Variants in FBH1 observed in about 807,000 individuals in gnomAD.
FBH1 encodes the protein DNA 3'-5' helicase 1.
Under a neutral mutation model 115.5 loss-of-function variants are expected in FBH1, and 43 were observed. That is an observed-to-expected ratio of 0.37 (90% CI 0.29 to 0.48). The LOEUF (loss-of-function observed/expected upper bound fraction) is 0.48, where lower values mean the gene tolerates loss of function less well. Ranked by LOEUF, FBH1 falls within the 20% of genes least tolerant of loss-of-function variation. The pLI is 0.99. For synonymous variants in FBH1, 524 were observed against 507.8 expected, an observed-to-expected ratio of 1.03 and a Z score of -0.43; for missense variants, 1,001 against 1,337.3, an observed-to-expected ratio of 0.75 and a Z score of 3.92.
chr10:5,902,601 G>C (rs1013904240), intron 1 of FBH1, among the ~76,000 whole-genome samples: 1 of 151,938 alleles, frequency 6.6e-6, no homozygotes, highest in Non-Finnish European at 1.5e-5. Flanking sequence ...TAAGTAGCTG[G>C]GATTGCAGGT....
At chr10:5,904,579 G>A (rs1253339022) in intron 2 of FBH1, among the ~76,000 whole-genome samples, 1 of 152,176 alleles carries the variant, frequency 6.6e-6, no homozygotes, top group Non-Finnish European at 1.5e-5. Context: ...GATTTGGCTG[G>A]GAGCAGTAGC....
chr10:5,909,626 C>G lies in FBH1; in HGVS notation c.1020+332C>G. The G allele has an allele frequency of 3.7e-6, 1 of 268,392 alleles. No individual in the cohort carries two copies. The highest frequency in any genetic ancestry group is 7.0e-6 in the Non-Finnish European group (1 of 142,464). 16.6% of individuals were successfully genotyped at this position (268,392 alleles called of 1,614,324 possible). The stretch of plus-strand genomic sequence containing the variant: ...GGATTTCTTTACAAGACAGCCCACC[C>G]CATTATCAACAAGTTTGCTTATTTG... On this transcript the variant is annotated intron_variant, in intron 5 of 20. Coordinates refer to ENST00000362091, the MANE Select transcript of FBH1 (RefSeq NM_178150.3). The surrounding 1 kb of genome is among the most constrained non-coding windows in gnomAD (Gnocchi z 4.4).
intron 19 of FBH1, chr10:5,928,646 C>T (rs1300021753): frequency 6.6e-6 from 1 of 152,196 alleles, no homozygotes; most frequent in Non-Finnish European, 1.5e-5. Flanking sequence ...CTGGTCAGCA[C>T]TCACTCTTTA....
At chr10:5,904,386 T>G (rs1287130445) in intron 2 of FBH1, among the ~76,000 whole-genome samples, 1 of 152,186 alleles carries the variant, frequency 6.6e-6, no homozygotes, top group Non-Finnish European at 1.5e-5. Context: ...TATAACCAAC[T>G]GTATGAGGCA....
chr10:5,890,741 G>C (rs1842663321), intron 1 of FBH1, among the ~76,000 whole-genome samples: 1 of 152,160 alleles, frequency 6.6e-6, no homozygotes, highest in Non-Finnish European at 1.5e-5. Flanking sequence ...ATTTTTCGCT[G>C]CCCTCTGCCC....
chr10:5,915,945 T>C lies in FBH1; in HGVS notation c.1566-289T>C. 2 of 484,936 alleles carry C rather than the reference T, an allele frequency of 4.1e-6. No homozygotes were observed. The highest frequency in any genetic ancestry group is 4.6e-5 in the South Asian group (2 of 43,308). The allele number at this position is 484,936 out of a possible 1,614,324, so 30.0% of individuals were successfully genotyped here. ...CCCAGGTCTCCTGGATGTAGAGGCA[T>C]CAGGGAACTCCAAGGGTCCCTCCGG... is the stretch of plus-strand genomic sequence containing the variant. On this transcript the variant is annotated intron_variant, in intron 9 of 20. Coordinates refer to ENST00000362091, the MANE Select transcript of FBH1 (RefSeq NM_178150.3). This position sits in a 1 kb window ranked among gnomAD's most constrained non-coding sequence, Gnocchi z 5.2.
chr10:5,896,962 C>T (rs955557537), intron 1 of FBH1, among the ~76,000 whole-genome samples: 2 of 152,100 alleles, frequency 1.3e-5, no homozygotes, highest in African/African-American at 2.4e-5. Context: ...TATTTTTGAA[C>T]TGCTTTTTAA....
At chr10:5,912,902 T>C (rs1452615894) in intron 6 of FBH1, among the ~76,000 whole-genome samples, 1 of 152,184 alleles carries the variant, frequency 6.6e-6, no homozygotes, top group African/African-American at 2.4e-5. Flanking sequence ...TTTCTTCCTG[T>C]TTTTTCTGGG....
At chr10:5,930,916 GTTT>G (rs1222829431) in intron 19 of FBH1, among the ~76,000 whole-genome samples, 1 of 148,508 alleles carries the variant, frequency 6.7e-6, no homozygotes, top group Admixed American at 6.7e-5. Flanking sequence ...CACCTGGCTG[GTTT>G]TTTTTTTGTT....
In FBH1 at chr10:5,921,912, C is replaced by T. The variant is rs1832338988; in HGVS notation, c.2322+343C>T. Among the ~76,000 whole-genome samples the T allele has an allele frequency of 6.6e-6, 1 of 152,220 alleles. No homozygotes were observed. Among genetic ancestry groups the T allele is most frequent in the Admixed American group, 6.5e-5 (1 of 15,282 alleles). On this transcript the variant is annotated intron_variant, in intron 15 of 20. Coordinates refer to ENST00000362091, the MANE Select transcript of FBH1 (RefSeq NM_178150.3). The surrounding 1 kb of genome is among the most constrained non-coding windows in gnomAD (Gnocchi z 6.4). ...AGTGTGAGAACAGCTGAGCTGACAA[C>T]ACGCAGAGTACACACCTAGGCTCTA...
At position 5,893,962 on chromosome 10, in the gene FBH1, CCTTT is replaced by C. The variant is rs1291983196; in HGVS notation, c.1+3625_1+3628del. 2.5e-5 allele frequency: 25 copies of C among 981,442 alleles called. No individual in the cohort carries two copies. The East Asian group carries it at 2.6e-3, about 103-fold the overall frequency. The allele number at this position is 981,442 out of a possible 1,614,324, so 60.8% of individuals were successfully genotyped here. A position where few individuals can be genotyped will look rare whatever the true frequency, so the allele number is the denominator to read the frequency against. ...ATCTTTCTCTTGTTTTTCAAACATTCCTTTCTTTCTTTAGGAAAAACATAGAACG... is the reference window on the plus strand; with the variant it reads ...ATCTTTCTCTTGTTTTTCAAACATTCCTTTCTTTAGGAAAAACATAGAACG... On this transcript the variant is annotated intron_variant, in intron 1 of 20. Transcript: ENST00000362091.
chr10:5,911,871 G>A lies in FBH1; in HGVS notation c.1211+743G>A, dbSNP rs1246416975. 6.6e-6 allele frequency among the ~76,000 whole-genome samples: 1 copy of A among 152,210 alleles called. No homozygotes were observed. Among genetic ancestry groups the A allele is most frequent in the Non-Finnish European group, 1.5e-5 (1 of 68,032 alleles). On this transcript the variant is annotated intron_variant, in intron 6 of 20. Coordinates refer to ENST00000362091, the MANE Select transcript of FBH1 (RefSeq NM_178150.3). The surrounding 1 kb of genome is among the most constrained non-coding windows in gnomAD (Gnocchi z 5.4). ...GGTAGTGTCTGAGTGAAACCTGAGT[G>A]TGGAGGAGGAACCGCCGTTTCACAA... is the stretch of plus-strand genomic sequence containing the variant.
In FBH1 at chr10:5,895,941, T is replaced by C. The variant is rs537247797; in HGVS notation, c.1+5595T>C. On this transcript the variant is annotated intron_variant, in intron 1 of 20. Coordinates refer to ENST00000362091, the MANE Select transcript of FBH1 (RefSeq NM_178150.3). The surrounding 1 kb of genome is among the most constrained non-coding windows in gnomAD (Gnocchi z 5.0). ...TGCTCAGGGAGAAGAGCAACAACAT[T>C]CTTTGCAGCAAAACCTGAAACACTC... is the stretch of plus-strand genomic sequence containing the variant. Among the ~76,000 whole-genome samples the C allele has an allele frequency of 1.4e-4, 21 of 152,280 alleles. No individual in the cohort carries two copies. Among genetic ancestry groups the C allele is most frequent in the Admixed American group, 7.8e-4 (12 of 15,290 alleles).
Position 5,913,090 on chromosome 10 carries a change from G to T in FBH1, c.1212-657G>T, listed in dbSNP as rs1831707375. Among the ~76,000 whole-genome samples, 1 of 152,116 alleles carries T rather than the reference G, an allele frequency of 6.6e-6. No individual in the cohort carries two copies. The highest frequency in any genetic ancestry group is 2.4e-5 in the African/African-American group (1 of 41,410). On this transcript the variant is annotated intron_variant, in intron 6 of 20. Coordinates refer to ENST00000362091, the MANE Select transcript of FBH1 (RefSeq NM_178150.3). This position sits in a 1 kb window ranked among gnomAD's most constrained non-coding sequence, Gnocchi z 4.4. The stretch of plus-strand genomic sequence containing the variant: ...CCCCACAGTCCAGGGGAGACTTGGA[G>T]AGGCTTTGGAACGGCGTGTGCCAGC...
At position 5,906,234 on chromosome 10, in the gene FBH1, C is replaced by T; in HGVS notation, c.355C>T (p.Pro119Ser). The stretch of plus-strand genomic sequence containing the variant: ...GCCGGGCTCACCAGGGTCTGCCCCG[C>T]CCTCCAGGAAGCGGTCTTGGTCCTC... ...AGPGSPGSAP[P>S]SRKRSWSSEE... is the part of the protein sequence containing the mutation. The change falls in exon 3 of 21, where the codon CCC (proline) becomes TCC (serine). Residue 119 changes from proline to serine, a missense_variant. Pro to Ser is a moderately conservative substitution (Grantham distance 74). Transcript: ENST00000362091. The surrounding 1 kb of genome is among the most constrained non-coding windows in gnomAD (Gnocchi z 7.3). The T allele has an allele frequency of 6.2e-7, 1 of 1,614,252 alleles. No homozygotes were observed.
At chr10:5,934,210 CTTCTTT>C (rs1833164144) in intron 19 of FBH1, 1 of 152,166 alleles carries the variant, frequency 6.6e-6, no homozygotes, top group South Asian at 2.1e-4. Flanking sequence ...GTAGGGCAAC[CTTCTTT>C]TTCTTTGACC....
At chr10:5,927,683 C>T (rs78582814) in intron 19 of FBH1, 142 bp downstream of exon 19, 7,820 of 614,252 alleles carry the variant, frequency 0.013, 330 homozygotes, top group East Asian at 0.092. Flanking sequence ...GTGCAAAGGC[C>T]GATGACCAGT....
rs1832021003 is a variant in FBH1 at position 5,917,237 on chromosome 10, A to G, written c.1789-183A>G. ...CGGCCCGGCTGCTTCCTGTCTCAGC[A>G]CTGGAGACCCTCTGGCGTGGAGAGG... On this transcript the variant is annotated intron_variant, in intron 10 of 20. Coordinates refer to ENST00000362091, the MANE Select transcript of FBH1 (RefSeq NM_178150.3). The surrounding 1 kb of genome is among the most constrained non-coding windows in gnomAD (Gnocchi z 5.6). 4.5e-5 allele frequency: 27 copies of G among 603,870 alleles called. No homozygotes were observed. The South Asian group carries it at 5.2e-4, about 12-fold the overall frequency. 37.4% of individuals were successfully genotyped at this position (603,870 alleles called of 1,614,324 possible).
intron 1 of FBH1, among the ~76,000 whole-genome samples, chr10:5,898,569 C>T (rs932021928): frequency 2.0e-5 from 3 of 152,130 alleles, no homozygotes; most frequent in Admixed American, 6.5e-5. Context: ...CGCCACCACA[C>T]CTGGCTAATT....
Sources: allele counts gnomAD v4.1 joint callset (sites outside exome capture counted in the v4.1 genomes callset), GRCh38; gene constraint gnomAD v4.1.1; non-coding constraint Gnocchi (gnomAD v3.1); transcripts MANE v1.5; gene names NCBI Gene and HGNC (gene_info 2026-07-23, HGNC 2026-07-21).